Variants in PRKN observed in about 807,000 individuals in gnomAD.
The protein encoded by PRKN is parkin RBR E3 ubiquitin protein ligase.
PRKN carries 56 observed loss-of-function variants against 59.5 expected under a neutral mutation model. The ratio of observed to expected loss-of-function variants is 0.94; its 90% CI spans 0.76 to 1.18. PRKN has a LOEUF of 1.18. Among genes scored for constraint, PRKN ranks in the 50% most tolerant of loss-of-function variants. PRKN has a pLI of 0.00. For synonymous variants in PRKN, 250 were observed against 222.1 expected, an observed-to-expected ratio of 1.13 and a Z score of -1.12; for missense variants, 657 against 596.4, an observed-to-expected ratio of 1.10 and a Z score of -1.06.
At chr6:162,392,906 C>G (rs1413418363) in intron 2 of PRKN, among the ~76,000 whole-genome samples, 1 of 151,886 alleles carries the variant, frequency 6.6e-6, no homozygotes, top group Non-Finnish European at 1.5e-5. Flanking sequence ...CTTCAAAGAC[C>G]AGGAGCATGT....
chr6:162,557,919 G>C (rs911037979), intron 1 of PRKN, among the ~76,000 whole-genome samples: 1 of 152,164 alleles, frequency 6.6e-6, no homozygotes, highest in Non-Finnish European at 1.5e-5. Context: ...TGTTACATGA[G>C]TTTCAGCTCA....
rs1785768335 is a variant in PRKN at position 161,377,503 on chromosome 6, A to G, written c.1167+9291T>C. On this transcript the variant is annotated intron_variant, in intron 10 of 11. Coordinates refer to ENST00000366898, the MANE Select transcript of PRKN (RefSeq NM_004562.3). This position sits in a 1 kb window ranked among gnomAD's most constrained non-coding sequence, Gnocchi z 4.2. ...ACATACGGCTGCAAGCCAAAAATGC[A>G]CTGTCGCTATCCTGTAATCCTCTTT... Among the ~76,000 whole-genome samples the G allele has an allele frequency of 6.6e-6, 1 of 152,234 alleles. No homozygotes were observed. The highest frequency in any genetic ancestry group is 2.4e-5 in the African/African-American group (1 of 41,464).
chr6:161,703,799 T>C (rs1292259459), intron 7 of PRKN, among the ~76,000 whole-genome samples: 3 of 147,862 alleles, frequency 2.0e-5, no homozygotes, highest in Non-Finnish European at 4.5e-5. Flanking sequence ...AGCTGGAATG[T>C]AAACCACATG....
At chr6:162,336,259 T>C (rs1671818890) in intron 2 of PRKN, among the ~76,000 whole-genome samples, 1 of 152,124 alleles carries the variant, frequency 6.6e-6, no homozygotes. Context: ...AAAATGTTCA[T>C]ATTACTCTAT....
intron 1 of PRKN, among the ~76,000 whole-genome samples, chr6:162,639,249 T>C (rs780684901): frequency 4.9e-4 from 74 of 152,236 alleles, no homozygotes; most frequent in Non-Finnish European, 9.7e-4. Flanking sequence ...CCCCAGTTGC[T>C]CAGGCCTGTT....
At chr6:161,654,468 C>A (rs1348437813) in intron 7 of PRKN, among the ~76,000 whole-genome samples, 1 of 151,884 alleles carries the variant, frequency 6.6e-6, no homozygotes, top group African/African-American at 2.4e-5. Flanking sequence ...CCTGCAATGC[C>A]GAGAGGGAGG....
intron 1 of PRKN, among the ~76,000 whole-genome samples, chr6:162,500,492 A>C (rs964329648): frequency 6.6e-6 from 1 of 152,158 alleles, no homozygotes; most frequent in African/African-American, 2.4e-5. Context: ...TTCTTACTGC[A>C]CGTCTATATG....
intron 9 of PRKN, among the ~76,000 whole-genome samples, chr6:161,507,621 C>A (rs116104381): frequency 0.081 from 12,276 of 152,184 alleles, 717 homozygotes; most frequent in African/African-American, 0.16. Context: ...GGGATGCTCT[C>A]TTCCTTTGAG....
chr6:161,966,942 C>T (rs1780604009), intron 6 of PRKN, among the ~76,000 whole-genome samples: 2 of 152,334 alleles, frequency 1.3e-5, no homozygotes, highest in African/African-American at 2.4e-5. Flanking sequence ...AGCGATTCTC[C>T]TGCCTCAGCC....
At chr6:161,816,267 G>A (rs1317381570) in intron 6 of PRKN, among the ~76,000 whole-genome samples, 2 of 152,036 alleles carry the variant, frequency 1.3e-5, no homozygotes, top group Non-Finnish European at 2.9e-5. Flanking sequence ...AACACACACT[G>A]GGTAACTCCA....
chr6:161,414,923 A>G lies in PRKN; in HGVS notation c.1084-28046T>C, dbSNP rs1787768700. ...AATGCCTTTTGAAAGGGAGCTAGGC[A>G]TAGGAGGAATTCACTTTCTTCCACC... On this transcript the variant is annotated intron_variant, in intron 9 of 11. Transcript: ENST00000366898. This position sits in a 1 kb window ranked among gnomAD's most constrained non-coding sequence, Gnocchi z 5.3. Among the ~76,000 whole-genome samples, 1 of 152,216 alleles carries G rather than the reference A, an allele frequency of 6.6e-6. No homozygotes were observed. Among genetic ancestry groups the G allele is most frequent in the Admixed American group, 6.5e-5 (1 of 15,280 alleles).
intron 1 of PRKN, among the ~76,000 whole-genome samples, chr6:162,516,450 T>C (rs1766348887): frequency 6.6e-6 from 1 of 152,130 alleles, no homozygotes; most frequent in Admixed American, 6.6e-5. Context: ...GGTTATATTA[T>C]ATTATTTGAA....
intron 7 of PRKN, among the ~76,000 whole-genome samples, chr6:161,733,791 T>TATATATATATATATATATATATAC (rs1554298479): frequency 6.0e-5 from 4 of 66,938 alleles, no homozygotes; most frequent in African/African-American, 2.5e-4. Flanking sequence ...AAAATATATA[T>TATATATATATATATATATATATAC]ATATATGTAT....
At chr6:162,553,980 C>T (rs1201886539) in intron 1 of PRKN, among the ~76,000 whole-genome samples, 2 of 152,082 alleles carry the variant, frequency 1.3e-5, no homozygotes, top group African/African-American at 2.4e-5. Context: ...GAGGGACTCC[C>T]GTGGAGGTTA....
intron 2 of PRKN, among the ~76,000 whole-genome samples, chr6:162,441,414 T>C (rs1583577395): frequency 6.6e-6 from 1 of 152,188 alleles, no homozygotes; most frequent in Admixed American, 6.5e-5. Context: ...TATTCCTCCA[T>C]CTACAGAATC....
intron 1 of PRKN, among the ~76,000 whole-genome samples, chr6:162,468,157 C>T (rs762028063): frequency 1.1e-4 from 17 of 152,160 alleles, no homozygotes; most frequent in East Asian, 1.9e-4. Context: ...TAATAAAATA[C>T]GTGGAACATG....
rs766495453 is a variant in PRKN at position 161,550,433 on chromosome 6, G to T, written c.934-1430C>A. ...ATACCCTCTGGAGGGCCAGGGTGTA[G>T]GCAGGAAGCAGAGAAGCTTATGTCA... On this transcript the variant is annotated intron_variant, in intron 8 of 11. Coordinates refer to ENST00000366898, the MANE Select transcript of PRKN (RefSeq NM_004562.3). This position sits in a 1 kb window ranked among gnomAD's most constrained non-coding sequence, Gnocchi z 4.0. 6.6e-6 allele frequency among the ~76,000 whole-genome samples: 1 copy of T among 152,208 alleles called. No individual in the cohort carries two copies. The highest frequency in any genetic ancestry group is 2.4e-5 in the African/African-American group (1 of 41,436).
At position 161,720,770 on chromosome 6, in the gene PRKN, T is replaced by A. The variant is rs1787186547; in HGVS notation, c.871+65002A>T. ...CTCATAGGTACTTTTAAAACTATTT[T>A]TTTTTTTTTAACTATTTTTAAGTCC... On this transcript the variant is annotated intron_variant, in intron 7 of 11. Transcript: ENST00000366898. Among the ~76,000 whole-genome samples the A allele has an allele frequency of 3.0e-5, 4 of 133,644 alleles. No homozygotes were observed. The South Asian group carries it at 6.4e-4, about 21-fold the overall frequency. The allele number at this position is 133,644 out of a possible 152,430, so 87.7% of individuals were successfully genotyped here.
At chr6:162,082,970 T>G (rs1289114283) in intron 4 of PRKN, among the ~76,000 whole-genome samples, 5 of 152,072 alleles carry the variant, frequency 3.3e-5, no homozygotes, top group Non-Finnish European at 5.9e-5. Flanking sequence ...TTCATTCTTT[T>G]AAAAAAATTA....
Sources: gnomAD v4.1 joint callset for allele counts (sites outside exome capture counted in the v4.1 genomes callset) on GRCh38, gnomAD v4.1.1 for gene constraint, Gnocchi (gnomAD v3.1) non-coding constraint, MANE v1.5 for transcripts, NCBI Gene and HGNC (gene_info 2026-07-23, HGNC 2026-07-21) for gene names.